Variants in CCNC observed in about 807,000 individuals in gnomAD.
CCNC encodes cyclin C, also known as cyclin-C.
A neutral mutation model predicts 50.0 loss-of-function variants in CCNC; 19 were observed. The ratio of observed to expected loss-of-function variants is 0.38; its 90% CI spans 0.27 to 0.56. The LOEUF (loss-of-function observed/expected upper bound fraction) is 0.56. Among genes scored for constraint, CCNC ranks in the 20% least tolerant of loss-of-function variants. The pLI is 0.72. For synonymous variants in CCNC, 93 were observed against 103.7 expected (o/e 0.90, Z 0.63); for missense variants, 200 against 327.1 (o/e 0.61, Z 3.00).
At position 99,542,643 on chromosome 6, in the gene CCNC, A is replaced by G. The variant is rs1801926090; in HGVS notation, c.*912T>C. 1.3e-5 allele frequency: 2 copies of G among 152,756 alleles called. No homozygotes were observed. Among genetic ancestry groups the G allele is most frequent in the Non-Finnish European group, 2.9e-5 (2 of 68,006 alleles). 9.5% of individuals were successfully genotyped at this position (152,756 alleles called of 1,614,324 possible). A position where few individuals can be genotyped will look rare whatever the true frequency, so the allele number is the denominator to read the frequency against. ...TCTCATATTAGAATTAAGGACAGCC[A>G]GTATCAAACTGGCCTGAAACCTGAT... On this transcript the variant is annotated 3_prime_UTR_variant, in exon 12 of 12. Transcript: ENST00000520429.
rs760798435 is a variant in CCNC at position 99,551,900 on chromosome 6, A to G, written c.347-5T>C. On this transcript the variant is annotated splice_polypyrimidine_tract_variant and splice_region_variant and intron_variant, in intron 5 of 11. Coordinates refer to ENST00000520429, the MANE Select transcript of CCNC (RefSeq NM_005190.4). ...CATATGAAAATCTAGTTTTTACTGC[A>G]GAAAATAAAAAAAAAATTTAAACTG... The G allele has an allele frequency of 7.1e-7, 1 of 1,416,388 alleles. No homozygotes were observed. The highest frequency in any genetic ancestry group is 1.4e-5 in the South Asian group (1 of 72,608). 87.7% of individuals were successfully genotyped at this position (1,416,388 alleles called of 1,614,324 possible).
At chr6:99,568,336 C>T (rs1446333000) in intron 1 of CCNC, 160 bp downstream of exon 1, 3 of 645,642 alleles carry the variant, frequency 4.6e-6, no homozygotes, top group African/African-American at 1.9e-5. Flanking sequence ...GGAGGGGAGT[C>T]GCCTCAGAAA....
chr6:99,558,599 T>C, intron 4 of CCNC, 51 bp from the exon 5 acceptor site: 1 of 1,506,632 alleles, frequency 6.6e-7, no homozygotes, highest in Non-Finnish European at 9.0e-7. Flanking sequence ...TAAGGGTATC[T>C]GAACTCTATT....
chr6:99,567,447 TC>T (rs1769184654), intron 1 of CCNC, among the ~76,000 whole-genome samples: 1 of 151,772 alleles, frequency 6.6e-6, no homozygotes, highest in Non-Finnish European at 1.5e-5. Context: ...ACACATATGA[TC>T]AGTGGTAAAG....
Position 99,558,497 on chromosome 6 carries a change from A to G in CCNC, c.346T>C (p.Leu116=). Residue 116 remains leucine, a splice_region_variant and synonymous_variant, in exon 5 of 12, where the codon TTA becomes CTA. Transcript: ENST00000520429. ...TRLIAAATSV[L]KTRFSYAFPK... is the part of the protein sequence containing the mutation. ...AAGCAGATATACTTTTTGCACTTAC[A>G]TACAGAAGTAGCAGCAGCAATCAAT... The G allele has an allele frequency of 6.2e-7, 1 of 1,611,408 alleles. No individual in the cohort carries two copies.
At chr6:99,544,154 T>C (rs1018706849) in intron 11 of CCNC, 42 of 1,496,844 alleles carry the variant, frequency 2.8e-5, no homozygotes, top group Non-Finnish European at 3.6e-5. Context: ...GCTGAATACT[T>C]AAAAATAACT....
At chr6:99,565,400 T>C (rs1236276877) in intron 1 of CCNC, among the ~76,000 whole-genome samples, 1 of 152,100 alleles carries the variant, frequency 6.6e-6, no homozygotes, top group Non-Finnish European at 1.5e-5. Flanking sequence ...ATGTAAATTA[T>C]ACTTCTCTAT....
At chr6:99,548,064 CTCA>C (rs1479808439) in intron 9 of CCNC, among the ~76,000 whole-genome samples, 1 of 152,106 alleles carries the variant, frequency 6.6e-6, no homozygotes, top group Non-Finnish European at 1.5e-5. Flanking sequence ...AAGCTCAATC[CTCA>C]TCATGAGTCT....
intron 10 of CCNC, 124 bp downstream of exon 10, chr6:99,546,271 T>C (rs1256103691): frequency 3.0e-6 from 2 of 670,832 alleles, no homozygotes; most frequent in African/African-American, 3.6e-5. Context: ...CAGCCCATGT[T>C]TCTTAATATT....
intron 11 of CCNC, among the ~76,000 whole-genome samples, chr6:99,544,523 A>C (rs565026704): frequency 6.6e-6 from 1 of 152,238 alleles, no homozygotes; most frequent in Non-Finnish European, 1.5e-5. Flanking sequence ...CACTGAACTA[A>C]ATGAACACAT....
chr6:99,552,580 T>C (rs942572675), intron 5 of CCNC, among the ~76,000 whole-genome samples: 3 of 152,086 alleles, frequency 2.0e-5, no homozygotes, highest in African/African-American at 7.2e-5. Flanking sequence ...CAATCCCCCA[T>C]CTCCTTAAAA....
At position 99,561,322 on chromosome 6, in the gene CCNC, A is replaced by C. The variant is rs748211590; in HGVS notation, c.294+45T>G. 3.1e-6 allele frequency: 4 copies of C among 1,277,074 alleles called. No homozygotes were observed. The South Asian group carries it at 3.6e-5, about 12-fold the overall frequency. 79.1% of individuals were successfully genotyped at this position (1,277,074 alleles called of 1,614,324 possible). A position where few individuals can be genotyped will look rare whatever the true frequency, so the allele number is the denominator to read the frequency against. ...TGAAAACTGGGGCAGATTAACCAAC[A>C]TACATTGACTACACTTTGATGAAGA... is the stretch of plus-strand genomic sequence containing the variant. On this transcript the variant is annotated intron_variant, in intron 4 of 11. Coordinates refer to ENST00000520429, the MANE Select transcript of CCNC (RefSeq NM_005190.4).
intron 1 of CCNC, chr6:99,567,105 T>C: frequency 4.3e-6 from 1 of 230,476 alleles, no homozygotes; most frequent in South Asian, 4.8e-5. Flanking sequence ...ATTTTATATT[T>C]GAAAAGTGAA....
chr6:99,554,442 A>G (rs890079277), intron 5 of CCNC, among the ~76,000 whole-genome samples: 1 of 152,164 alleles, frequency 6.6e-6, no homozygotes, highest in Non-Finnish European at 1.5e-5. Flanking sequence ...AGGGCAGAAT[A>G]GTTACATATA....
intron 5 of CCNC, among the ~76,000 whole-genome samples, chr6:99,552,695 T>C (rs137987919): frequency 6.6e-6 from 1 of 152,324 alleles, no homozygotes; most frequent in African/African-American, 2.4e-5. Flanking sequence ...AAAAAATGTT[T>C]AGTGTCAGCT....
At chr6:99,565,702 C>T (rs1380357898) in intron 1 of CCNC, among the ~76,000 whole-genome samples, 1 of 151,882 alleles carries the variant, frequency 6.6e-6, no homozygotes, top group Non-Finnish European at 1.5e-5. Context: ...TTAGTAAGAG[C>T]TTTAGTCAAG....
At chr6:99,555,218 T>C (rs1314756679) in intron 5 of CCNC, among the ~76,000 whole-genome samples, 1 of 152,208 alleles carries the variant, frequency 6.6e-6, no homozygotes, top group African/African-American at 2.4e-5. Flanking sequence ...AAGCTACTTA[T>C]GTCAACACCT....
Position 99,566,110 on chromosome 6 carries a change from T to C in CCNC, c.32+2386A>G, listed in dbSNP as rs117829563. ...CCTGGAGATAACCCAAAAGTACCCCTGGGTTTACTTTTCTCATTCCTAATT... is the reference window on the plus strand; with the variant it reads ...CCTGGAGATAACCCAAAAGTACCCCCGGGTTTACTTTTCTCATTCCTAATT... On this transcript the variant is annotated intron_variant, in intron 1 of 11. Coordinates refer to ENST00000520429, the MANE Select transcript of CCNC (RefSeq NM_005190.4). 1.2e-3 allele frequency among the ~76,000 whole-genome samples: 190 copies of C among 152,138 alleles called. 2 individuals carry two copies. The East Asian group carries it at 0.033, about 26-fold the overall frequency.
chr6:99,559,254 C>T (rs546996899), intron 4 of CCNC, among the ~76,000 whole-genome samples: 23 of 151,268 alleles, frequency 1.5e-4, no homozygotes, highest in African/African-American at 5.1e-4. Context: ...ACAGGAATTA[C>T]GTAAGACTTC....
Sources: gnomAD v4.1 joint callset for allele counts (sites outside exome capture counted in the v4.1 genomes callset) on GRCh38, gnomAD v4.1.1 for gene constraint, MANE v1.5 for transcripts, NCBI Gene and HGNC (gene_info 2026-07-23, HGNC 2026-07-21) for gene names.